TTC31: variants seen among roughly 807,000 people sequenced by gnomAD.
TTC31 encodes tetratricopeptide repeat domain 31.
TTC31 carries 59 observed loss-of-function variants against 60.4 expected under a neutral mutation model. That is an observed-to-expected ratio of 0.98 (90% CI 0.79 to 1.21). The LOEUF (loss-of-function observed/expected upper bound fraction) is 1.21, where lower values mean the gene tolerates loss of function less well. Among genes scored for constraint, TTC31 ranks in the 50% most tolerant of loss-of-function variants. The pLI, the probability that TTC31 is intolerant of heterozygous loss-of-function variation, is 0.00. For synonymous variants in TTC31, 225 were observed against 249.6 expected (o/e 0.90, Z 0.93); for missense variants, 672 against 646.9 (o/e 1.04, Z -0.42).
chr2:74,485,234 C>T (rs1572943649), intron 2 of TTC31, among the ~76,000 whole-genome samples: 1 of 151,832 alleles, frequency 6.6e-6, no homozygotes, highest in Admixed American at 6.6e-5. Context: ...CCATATTGGC[C>T]AGGCTGGTCT....
In TTC31 at chr2:74,490,661, C is replaced by T; in HGVS notation, c.468C>T (p.Ala156=). The T allele has an allele frequency of 6.2e-7, 1 of 1,612,602 alleles. No individual in the cohort carries two copies. Among genetic ancestry groups the T allele is most frequent in the East Asian group, 2.2e-5 (1 of 44,806 alleles). ...ACCTGCCCTTCGTCCTTCAGGAAGC[C>T]AATCGCCTGGCTGAGGAGCTGGTGG... ...PQKLLVTEEE[A]NRLAEELVAE... is the part of the protein sequence containing the mutation. The change falls in exon 5 of 13, where the codon GCC becomes GCT. Residue 156 remains alanine, a synonymous_variant. Coordinates refer to ENST00000233623, the MANE Select transcript of TTC31 (RefSeq NM_022492.6).
At position 74,490,289 on chromosome 2, in the gene TTC31, A is replaced by G; in HGVS notation, c.278A>G (p.Gln93Arg). Residue 93 changes from glutamine to arginine, a missense_variant, in exon 4 of 13, where the codon CAG becomes CGG. Physicochemically the swap from Gln to Arg is conservative, Grantham distance 43. Transcript: ENST00000233623. The stretch of plus-strand genomic sequence containing the variant: ...GATGATGAAGGGAAATCAACTGGAC[A>G]GAGTGACAGGGGCAAGGGGGCTGAG... ...HLDDEGKSTG[Q>R]SDRGKGAEGL... 1 of 1,614,160 alleles carries G rather than the reference A, an allele frequency of 6.2e-7. No individual in the cohort carries two copies. Among genetic ancestry groups the G allele is most frequent in the Non-Finnish European group, 8.5e-7 (1 of 1,179,994 alleles).
chr2:74,485,361 C>T (rs960189162), intron 2 of TTC31, among the ~76,000 whole-genome samples: 4 of 151,780 alleles, frequency 2.6e-5, no homozygotes, highest in African/African-American at 7.3e-5. Flanking sequence ...ACAGAAGCCC[C>T]TCATTTCCGT....
Position 74,484,544 on chromosome 2 carries a change from C to T in TTC31, c.129+1134C>T, listed in dbSNP as rs370551844. On this transcript the variant is annotated intron_variant, in intron 2 of 12. Transcript: ENST00000233623. ...TGTGATCTTGGCTCACTGCAACCTC[C>T]GCCTCTCTGGTTCAAGCAATTCTTC... Among the ~76,000 whole-genome samples, 49 of 151,940 alleles carry T rather than the reference C, an allele frequency of 3.2e-4. 1 individual carries two copies. Among genetic ancestry groups the T allele is most frequent in the African/African-American group, 1.1e-3 (47 of 41,436 alleles).
chr2:74,489,927 G>T (rs1673612921), intron 2 of TTC31, 98 bp from the exon 3 acceptor site: 2 of 848,244 alleles, frequency 2.4e-6, no homozygotes, highest in South Asian at 1.6e-5. Flanking sequence ...TAGCTGGTTG[G>T]TGGCTGCCAT....
At position 74,493,250 on chromosome 2, in the gene TTC31, TG is replaced by T. The variant is rs780084639; in HGVS notation, c.*33del. On this transcript the variant is annotated 3_prime_UTR_variant, in exon 13 of 13. Transcript: ENST00000233623. Reference sequence around the variant, plus strand: ...ACCGGTCCCTCATAGGGCAGGGCCATGTATATATCCCTTGGTGGGGGACATA... The same window carrying T: ...ACCGGTCCCTCATAGGGCAGGGCCATTATATATCCCTTGGTGGGGGACATA... 7 of 1,606,722 alleles carry T rather than the reference TG, an allele frequency of 4.4e-6. No individual in the cohort carries two copies. The South Asian group carries it at 7.7e-5, about 18-fold the overall frequency.
At chr2:74,488,781 T>A (rs552572363) in intron 2 of TTC31, among the ~76,000 whole-genome samples, 1 of 151,988 alleles carries the variant, frequency 6.6e-6, no homozygotes, top group East Asian at 1.9e-4. Flanking sequence ...CAAAAAATAG[T>A]CGGCCGGGCA....
At position 74,490,264 on chromosome 2, in the gene TTC31, G is replaced by A. The variant is rs1277324349; in HGVS notation, c.253G>A (p.Asp85Asn). 6.2e-7 allele frequency: 1 copy of A among 1,614,016 alleles called. No homozygotes were observed. The highest frequency in any genetic ancestry group is 1.7e-5 in the Admixed American group (1 of 60,008). ...WHHDYLLGHL[D>N]DEGKSTGQSD... ...GACAGATTACCTCCTGGGCCACTTG[G>A]ATGATGAAGGGAAATCAACTGGACA... The change falls in exon 4 of 13, where the codon GAT becomes AAT. Residue 85 changes from aspartate to asparagine, a missense_variant. Physicochemically the swap from Asp to Asn is conservative, Grantham distance 23 (BLOSUM62 1). Transcript: ENST00000233623.
chr2:74,491,444 TC>T (rs1390767480), intron 7 of TTC31, 36 bp from the exon 8 acceptor site: 1 of 1,612,982 alleles, frequency 6.2e-7, no homozygotes, highest in East Asian at 2.2e-5. Context: ...ATGTACTTCA[TC>T]CCCACCCCCT....
intron 2 of TTC31, among the ~76,000 whole-genome samples, chr2:74,484,247 T>A (rs1357658536): frequency 6.6e-6 from 1 of 150,472 alleles, no homozygotes; most frequent in Non-Finnish European, 1.5e-5. Context: ...AAAAAAAAAA[T>A]GAAAAAATAT....
Position 74,493,353 on chromosome 2 carries a change from C to G in TTC31, c.*135C>G. On this transcript the variant is annotated 3_prime_UTR_variant, in exon 13 of 13. Coordinates refer to ENST00000233623, the MANE Select transcript of TTC31 (RefSeq NM_022492.6). ...GTTAATGATGCCCTGGCAGTCATTC[C>G]TCTTGCCATGGGGAAGCTTCTGATG... is the stretch of plus-strand genomic sequence containing the variant. 2 of 949,244 alleles carry G rather than the reference C, an allele frequency of 2.1e-6. No homozygotes were observed. Among genetic ancestry groups the G allele is most frequent in the South Asian group, 3.7e-5 (2 of 54,036 alleles). 58.8% of individuals were successfully genotyped at this position (949,244 alleles called of 1,614,324 possible). A position where few individuals can be genotyped will look rare whatever the true frequency, so the allele number is the denominator to read the frequency against.
Position 74,493,875 on chromosome 2 carries a change from C to T in TTC31, c.*657C>T, listed in dbSNP as rs1055989572. 3.3e-5 allele frequency: 5 copies of T among 152,252 alleles called. No individual in the cohort carries two copies. The highest frequency in any genetic ancestry group is 9.7e-5 in the African/African-American group (4 of 41,448). 9.4% of individuals were successfully genotyped at this position (152,252 alleles called of 1,614,324 possible). A position where few individuals can be genotyped will look rare whatever the true frequency, so the allele number is the denominator to read the frequency against. On this transcript the variant is annotated 3_prime_UTR_variant, in exon 13 of 13. Transcript: ENST00000233623. ...TTAGAGCTGGTAGGGCCATACATGT[C>T]CACACTCCCAACTGGTGGCTCTCCC...
At chr2:74,491,752 G>A in intron 8 of TTC31, 80 bp downstream of exon 8, 2 of 1,530,174 alleles carry the variant, frequency 1.3e-6, no homozygotes, top group Non-Finnish European at 8.9e-7. Flanking sequence ...AGGGTCTAAG[G>A]ATTGACACAG....
chr2:74,486,264 CA>C (rs879511005), intron 2 of TTC31, among the ~76,000 whole-genome samples: 2,198 of 139,060 alleles, frequency 0.016, 48 homozygotes, highest in African/African-American at 0.05. Context: ...GACTCCGTCT[CA>C]AAAAAAAAAA....
intron 2 of TTC31, chr2:74,483,636 A>T: frequency 1.4e-6 from 2 of 1,387,252 alleles, no homozygotes; most frequent in Non-Finnish European, 1.9e-6. Context: ...AATTGAGCAG[A>T]CAAGGGTCTC....
chr2:74,493,534 G>C lies in TTC31; in HGVS notation c.*316G>C, dbSNP rs1674179144. 3.7e-6 allele frequency: 1 copy of C among 270,728 alleles called. No homozygotes were observed. Among genetic ancestry groups the C allele is most frequent in the Admixed American group, 4.9e-5 (1 of 20,448 alleles). The allele number at this position is 270,728 out of a possible 1,614,324, so 16.8% of individuals were successfully genotyped here. On this transcript the variant is annotated 3_prime_UTR_variant, in exon 13 of 13. Transcript: ENST00000233623. Reference sequence around the variant, plus strand: ...GCAGAGACAGTGAGAAAGCATCTGGGCCTTTCTCTTCCTCTTGGTCCAGGG... The same window carrying C: ...GCAGAGACAGTGAGAAAGCATCTGGCCCTTTCTCTTCCTCTTGGTCCAGGG...
Position 74,483,430 on chromosome 2 carries a change from TC to T in TTC31, c.129+25del. ...GAAGAGGTAAAAGCGACCCTCAGTT[TC>T]CCCCAGTCCTGCTCATTTTGGTCAC... is the stretch of plus-strand genomic sequence containing the variant. On this transcript the variant is annotated intron_variant, in intron 2 of 12. Transcript: ENST00000233623. 1 of 1,614,072 alleles carries T rather than the reference TC, an allele frequency of 6.2e-7. No homozygotes were observed. The highest frequency in any genetic ancestry group is 8.5e-7 in the Non-Finnish European group (1 of 1,179,994).
chr2:74,486,986 A>G (rs1572950158), intron 2 of TTC31, among the ~76,000 whole-genome samples: 1 of 152,188 alleles, frequency 6.6e-6, no homozygotes, highest in East Asian at 1.9e-4. Context: ...TGAGCTGTTC[A>G]CTGGGGAAAA....
rs1369973108 is a variant in TTC31, at chr2:74,494,174, C to G, written c.*956C>G. ...TGGGTCTGCAGAAGGCTTTAGGTCT[C>G]CCCCAACCCCCTTACCTTTCACAGA... On this transcript the variant is annotated 3_prime_UTR_variant, in exon 13 of 13. Transcript: ENST00000233623. 1.3e-5 allele frequency: 2 copies of G among 152,296 alleles called. No homozygotes were observed. Among genetic ancestry groups the G allele is most frequent in the African/African-American group, 2.4e-5 (1 of 41,424 alleles). 9.4% of individuals were successfully genotyped at this position (152,296 alleles called of 1,614,324 possible).
Sources: allele counts gnomAD v4.1 joint callset (sites outside exome capture counted in the v4.1 genomes callset), GRCh38; gene constraint gnomAD v4.1.1; transcripts MANE v1.5; gene names NCBI Gene and HGNC (gene_info 2026-07-23, HGNC 2026-07-21).